Variants in ACO2 observed in about 807,000 individuals in gnomAD.
The protein encoded by ACO2 is aconitate hydratase, mitochondrial.
Under a neutral mutation model 84.5 loss-of-function variants are expected in ACO2, and 31 were observed. The ratio of observed to expected loss-of-function variants is 0.37; its 90% CI spans 0.28 to 0.50. ACO2 has a LOEUF of 0.50. Ranked by LOEUF, ACO2 falls within the 20% of genes least tolerant of loss-of-function variation. The pLI is 0.97. For missense variants in ACO2, 685 were observed against 1,029.3 expected (o/e 0.67, Z 4.58); for synonymous variants, 414 against 412.7 (o/e 1.00, Z -0.04).
chr22:41,507,489 G>A (rs894825042), intron 2 of ACO2, among the ~76,000 whole-genome samples: 1 of 152,172 alleles, frequency 6.6e-6, no homozygotes, highest in Non-Finnish European at 1.5e-5. Flanking sequence ...TAGGAATTAC[G>A]ATGCTGGGAA....
At chr22:41,518,350 G>T in intron 7 of ACO2, 131 bp from the exon 8 acceptor site, 1 of 683,364 alleles carries the variant, frequency 1.5e-6, no homozygotes, top group Non-Finnish European at 2.6e-6. Context: ...CAGCAGCCTT[G>T]GTTTCTTCAT....
rs71772435 is a variant in ACO2, at chr22:41,526,182, GCTGC to G, written c.1762-73_1762-70del. 279,622 of 1,382,134 alleles carry G rather than the reference GCTGC, an allele frequency of 0.2. 33,075 individuals are homozygous for G. Among genetic ancestry groups the G allele is most frequent in the Admixed American group, 0.47 (23,264 of 49,002 alleles). The allele number at this position is 1,382,134 out of a possible 1,614,324, so 85.6% of individuals were successfully genotyped here. On this transcript the variant is annotated intron_variant, in intron 14 of 17. Transcript: ENST00000216254. ...TCACCCCTCCTGGGCCCCGGGGCCT[GCTGC>G]CTGCCTCTGGAGGGCTTGTCATCCA...
chr22:41,489,737 G>C (rs1227688744), intron 1 of ACO2, among the ~76,000 whole-genome samples: 2 of 151,816 alleles, frequency 1.3e-5, no homozygotes, highest in African/African-American at 4.8e-5. Flanking sequence ...TGGTCCTGCT[G>C]TCGGTGGTGC....
chr22:41,481,132 C>G (rs565379030), intron 1 of ACO2, among the ~76,000 whole-genome samples: 12 of 152,116 alleles, frequency 7.9e-5, no homozygotes, highest in Non-Finnish European at 1.5e-4. Context: ...CTCTTTTACC[C>G]CCATGTTACA....
At chr22:41,494,178 T>C (rs2066294638) in intron 1 of ACO2, among the ~76,000 whole-genome samples, 3 of 152,154 alleles carry the variant, frequency 2.0e-5, no homozygotes, top group African/African-American at 7.2e-5. Flanking sequence ...CACTGTGAAG[T>C]GTATCTCCAT....
intron 13 of ACO2, 28 bp downstream of exon 13, chr22:41,524,996 G>GT: frequency 6.2e-7 from 1 of 1,614,106 alleles, no homozygotes; most frequent in South Asian, 1.1e-5. Context: ...CTGCTTGCTG[G>GT]TTGCTGTGTG....
At chr22:41,488,214 A>G (rs2066246048) in intron 1 of ACO2, among the ~76,000 whole-genome samples, 1 of 152,160 alleles carries the variant, frequency 6.6e-6, no homozygotes, top group Admixed American at 6.5e-5. Context: ...CCCAGTGTCC[A>G]ATGTGGTACA....
In ACO2 at chr22:41,507,808, C is replaced by A; in HGVS notation, c.191C>A (p.Thr64Lys). 1.2e-6 allele frequency: 2 copies of A among 1,614,006 alleles called. No individual in the cohort carries two copies. Among genetic ancestry groups the A allele is most frequent in the East Asian group, 4.5e-5 (2 of 44,886 alleles). The change falls in exon 3 of 18, where the codon ACA becomes AAA. Residue 64 changes from threonine to lysine, a missense_variant. This residue lies in a region of ACO2 where 98 missense variants were observed against 107.6 expected (regional missense o/e 0.91). Transcript: ENST00000216254. ...IVRKRLNRPL[T>K]LSEKIVYGHL... ...CCCCACAGACTGAACCGGCCGCTGA[C>A]ACTCTCGGAGAAGATTGTGTATGGA...
chr22:41,490,717 G>A (rs113603485), intron 1 of ACO2, among the ~76,000 whole-genome samples: 2 of 152,152 alleles, frequency 1.3e-5, no homozygotes, highest in Non-Finnish European at 2.9e-5. Flanking sequence ...AAGCATCTAA[G>A]ACTGATAAAG....
In ACO2 at chr22:41,528,618, A is replaced by G; in HGVS notation, c.*5A>G. 6.3e-7 allele frequency: 1 copy of G among 1,576,404 alleles called. No individual in the cohort carries two copies. Among genetic ancestry groups the G allele is most frequent in the Non-Finnish European group, 8.6e-7 (1 of 1,164,936 alleles). ...ATGAAGGAACTGCAACAGTGAGGGC[A>G]GTGCCTCCCCGCCCCGCCGCTGGCG... On this transcript the variant is annotated 3_prime_UTR_variant, in exon 18 of 18. Coordinates refer to ENST00000216254, the MANE Select transcript of ACO2 (RefSeq NM_001098.3).
chr22:41,514,247 CAT>C (rs1022646774), intron 4 of ACO2, among the ~76,000 whole-genome samples: 12 of 152,326 alleles, frequency 7.9e-5, no homozygotes, highest in African/African-American at 2.6e-4. Context: ...TCACACCTCT[CAT>C]GTGTTCTTCC....
chr22:41,497,220 C>T (rs2066320622), intron 1 of ACO2, among the ~76,000 whole-genome samples: 1 of 152,034 alleles, frequency 6.6e-6, no homozygotes, highest in African/African-American at 2.4e-5. Flanking sequence ...AGGTGCCCGC[C>T]ACCATGCCCA....
intron 1 of ACO2, among the ~76,000 whole-genome samples, chr22:41,481,924 T>C (rs965888205): frequency 1.3e-5 from 2 of 152,220 alleles, no homozygotes; most frequent in Non-Finnish European, 2.9e-5. Flanking sequence ...GGACTTTACT[T>C]TCCCATCTGG....
chr22:41,527,799 C>T, intron 16 of ACO2, 102 bp from the exon 17 acceptor site: 1 of 1,569,832 alleles, frequency 6.4e-7, no homozygotes, highest in Non-Finnish European at 8.7e-7. Flanking sequence ...TTGTCCCAGG[C>T]AGCAGGATTA....
intron 1 of ACO2, among the ~76,000 whole-genome samples, chr22:41,476,401 C>G (rs1271880141): frequency 7.5e-6 from 1 of 132,634 alleles, no homozygotes; most frequent in Admixed American, 8.1e-5. Flanking sequence ...GAATGAAACT[C>G]TGTCTTAAAA....
chr22:41,520,797 G>T (rs764131207), intron 9 of ACO2, among the ~76,000 whole-genome samples: 37 of 151,140 alleles, frequency 2.4e-4, no homozygotes, highest in South Asian at 6.3e-4. Flanking sequence ...AACCGAGATT[G>T]TGTCACTGCA....
In ACO2 at chr22:41,524,981, G is replaced by GC; in HGVS notation, c.1605+18dup. 6.2e-7 allele frequency: 1 copy of GC among 1,614,100 alleles called. No homozygotes were observed. The highest frequency in any genetic ancestry group is 8.5e-7 in the Non-Finnish European group (1 of 1,180,012). On this transcript the variant is annotated intron_variant, in intron 13 of 17. Transcript: ENST00000216254. ...GCTTCCCAAAGGGGTGAGCGCCCAC[G>GC]CCCCCTGCTTGCTGGTTGCTGTGTG...
chr22:41,523,754 C>A, intron 11 of ACO2, 76 bp from the exon 12 acceptor site: 2 of 1,353,168 alleles, frequency 1.5e-6, no homozygotes, highest in South Asian at 2.3e-5. Context: ...GCCACAGGAA[C>A]CCAGCTTATC....
chr22:41,518,208 G>A (rs978243986), intron 7 of ACO2, among the ~76,000 whole-genome samples: 4 of 152,202 alleles, frequency 2.6e-5, no homozygotes, highest in African/African-American at 9.7e-5. Context: ...TTGAGTGACT[G>A]CTTCTTCAAA....
Sources: gnomAD v4.1 joint callset for allele counts (sites outside exome capture counted in the v4.1 genomes callset) on GRCh38, gnomAD v4.1.1 for gene constraint, gnomAD v4.1.1 regional missense constraint, MANE v1.5 for transcripts, NCBI Gene and HGNC (gene_info 2026-07-23, HGNC 2026-07-21) for gene names.